Variants in MYL5 observed in about 807,000 individuals in gnomAD.
MYL5 encodes the protein myosin regulatory light chain 5.
MYL5 carries 28 observed loss-of-function variants against 20.8 expected under a neutral mutation model. That is an observed-to-expected ratio of 1.35 (90% CI 1.00 to 1.84). MYL5 has a LOEUF of 1.84. MYL5 is among the 40% of genes most tolerant of loss of function. MYL5 has a pLI of 0.00. For synonymous variants in MYL5, 118 were observed against 87.4 expected, an observed-to-expected ratio of 1.35 and a Z score of -1.95; for missense variants, 274 against 227.3, an observed-to-expected ratio of 1.21 and a Z score of -1.32.
exon 2 of MYL5, chr4:678,756 G>A: frequency 1.9e-6 from 3 of 1,610,312 alleles, no homozygotes; most frequent in Non-Finnish European, 2.5e-6. Flanking sequence ...AGATCCAGGA[G>A]TTCAAGGAGG....
chr4:681,989 G>A (rs766050212), exon 7 of MYL5: 25 of 1,412,324 alleles, frequency 1.8e-5, no homozygotes, highest in Non-Finnish European at 2.2e-5. Flanking sequence ...GGAGAAGGAG[G>A]AGTGAGACCC....
In MYL5 at chr4:678,953, C is replaced by G. The variant is rs758616050; in HGVS notation, c.112-5C>G. 5.6e-6 allele frequency: 9 copies of G among 1,613,612 alleles called. No individual in the cohort carries two copies. In the South Asian group the frequency reaches 9.9e-5, roughly 18 times the overall value. Reference sequence around the variant, plus strand: ...CAGCACAGCAGCCCTGACCTTGGTCCCCAGGCATTCACACTCATGGATCAG... The same window carrying G: ...CAGCACAGCAGCCCTGACCTTGGTCGCCAGGCATTCACACTCATGGATCAG... On this transcript the variant is annotated splice_polypyrimidine_tract_variant and splice_region_variant and intron_variant, in intron 2 of 6. Transcript: ENST00000400159.
chr4:680,235 C>T (rs562777419), intron 4 of MYL5, among the ~76,000 whole-genome samples: 1 of 152,172 alleles, frequency 6.6e-6, no homozygotes, highest in Non-Finnish European at 1.5e-5. Flanking sequence ...GCCGTCGACA[C>T]CTCTGTCCCT....
At chr4:681,897 A>G (rs1273176796) in exon 7 of MYL5, 1 of 1,315,772 alleles carries the variant, frequency 7.6e-7, no homozygotes, top group African/African-American at 1.5e-5. Context: ...CCGCAGGTGG[A>G]CCAGATGTTC....
At chr4:680,615 C>A (rs761018299) in intron 5 of MYL5, 28 bp downstream of exon 7, 1 of 1,607,384 alleles carries the variant, frequency 6.2e-7, no homozygotes, top group Non-Finnish European at 8.5e-7. Flanking sequence ...CAGGGCGGCC[C>A]GGCTTCCGGG....
chr4:678,171 T>A, intron 1 of MYL5, 142 bp downstream of exon 3: 1 of 1,541,254 alleles, frequency 6.5e-7, no homozygotes, highest in Middle Eastern at 2.2e-4. Flanking sequence ...CCTGCATATG[T>A]GTGTGCATGA....
At chr4:680,964 C>T in intron 5 of MYL5, 128 bp from the exon 8 acceptor site, 1 of 1,080,384 alleles carries the variant, frequency 9.3e-7, no homozygotes, top group Non-Finnish European at 1.4e-6. Context: ...CCCAGGGCCA[C>T]ACTCCAGCGG....
Position 679,429 on chromosome 4 carries a change from C to T in MYL5, c.187+396C>T, listed in dbSNP as rs530012715. On this transcript the variant is annotated intron_variant, in intron 3 of 6. Coordinates refer to ENST00000400159, the Ensembl canonical transcript of MYL5. ...AGAGCTGACAGAGGGCGTGGAGACG[C>T]TGCCCAGCCTCTGCAGCACAGCCCG... Among the ~76,000 whole-genome samples the T allele has an allele frequency of 2.6e-5, 4 of 152,364 alleles. No individual in the cohort carries two copies. In the East Asian group the frequency reaches 7.7e-4, roughly 29 times the overall value.
intron 6 of MYL5, among the ~76,000 whole-genome samples, chr4:681,378 G>C (rs1192636094): frequency 1.3e-5 from 2 of 152,056 alleles, no homozygotes; most frequent in African/African-American, 4.8e-5. Context: ...ACCCCTCCGC[G>C]GCCTGAGCGT....
At chr4:674,567 C>G (rs1277681694), upstream of MYL5, 4 of 440,364 alleles carry the variant, frequency 9.1e-6, no homozygotes, top group Admixed American at 1.7e-4. Context: ...TGGGGGTCCG[C>G]TGTTTCCCCG....
intron 6 of MYL5, among the ~76,000 whole-genome samples, chr4:681,628 C>G (rs1348757692): frequency 3.2e-5 from 3 of 94,826 alleles, no homozygotes; most frequent in Admixed American, 3.1e-4. Context: ...CCGCCCCGCC[C>G]CCTCCAGCGC....
At chr4:677,358 A>C (rs1008481674), upstream of MYL5, among the ~76,000 whole-genome samples, 3 of 152,178 alleles carry the variant, frequency 2.0e-5, no homozygotes, top group South Asian at 2.1e-4. Flanking sequence ...GCCATGGTAT[A>C]GTGGGGAAGA....
chr4:680,810 C>A, intron 5 of MYL5: 1 of 633,746 alleles, frequency 1.6e-6, no homozygotes, highest in Non-Finnish European at 2.7e-6. Flanking sequence ...GCGGCTTCCC[C>A]TCAGCCCACT....
chr4:681,718 C>T (rs1372776693), intron 6 of MYL5, 175 bp from the exon 9 acceptor site: 3 of 169,374 alleles, frequency 1.8e-5, no homozygotes, highest in African/African-American at 3.9e-5. Flanking sequence ...CCCTCCAGCG[C>T]CGCCCCGCCC....
At chr4:681,492 C>T (rs373123077) in intron 6 of MYL5, among the ~76,000 whole-genome samples, 1 of 149,068 alleles carries the variant, frequency 6.7e-6, no homozygotes, top group South Asian at 2.1e-4. Context: ...AATGCCGGGC[C>T]ACCCCTCAGG....
At chr4:679,222 C>T (rs1577332747) in intron 3 of MYL5, 189 bp downstream of exon 5, 1 of 710,606 alleles carries the variant, frequency 1.4e-6, no homozygotes, top group Non-Finnish European at 2.5e-6. Context: ...CAGAGAGCAT[C>T]CCAGGGTGAG....
upstream of MYL5, chr4:674,732 G>C (rs747353822): frequency 1.3e-4 from 23 of 182,974 alleles, no homozygotes; most frequent in Admixed American, 2.5e-4. Context: ...GCCCACCCGA[G>C]GGTGGCCTGG....
chr4:681,007 T>C, intron 5 of MYL5, 85 bp from the exon 8 acceptor site: 1 of 1,478,570 alleles, frequency 6.8e-7, no homozygotes, highest in Non-Finnish European at 9.2e-7. Context: ...GAGTACAACC[T>C]GGGGCCCCTG....
upstream of MYL5, among the ~76,000 whole-genome samples, chr4:677,347 G>C (rs1738943987): frequency 6.6e-6 from 1 of 152,236 alleles, no homozygotes; most frequent in Non-Finnish European, 1.5e-5. Context: ...CTGTGCCTGA[G>C]GCCATGGTAT....
Sources: gnomAD v4.1 joint callset for allele counts (sites outside exome capture counted in the v4.1 genomes callset) on GRCh38, gnomAD v4.1.1 for gene constraint, MANE v1.5 for transcripts, NCBI Gene and HGNC (gene_info 2026-07-23, HGNC 2026-07-21) for gene names.